Variants in GALNT14 observed in about 807,000 individuals in gnomAD.
The protein encoded by GALNT14 is UDP-GalNAc:polypeptide N-acetylgalactosaminyltransferase 14.
Under a neutral mutation model 77.5 loss-of-function variants are expected in GALNT14, and 60 were observed. That is an observed-to-expected ratio of 0.77 (90% CI 0.63 to 0.96). The LOEUF (loss-of-function observed/expected upper bound fraction) is 0.96. Ranked by LOEUF, GALNT14 falls within the 40% of genes least tolerant of loss-of-function variation. GALNT14 has a pLI of 0.00. For missense variants in GALNT14, 710 were observed against 731.0 expected (o/e 0.97, Z 0.33); for synonymous variants, 280 against 281.7 (o/e 0.99, Z 0.06).
At chr2:31,082,950 G>A (rs941109315) in intron 1 of GALNT14, among the ~76,000 whole-genome samples, 8 of 152,210 alleles carry the variant, frequency 5.3e-5, no homozygotes, top group East Asian at 1.9e-4. Flanking sequence ...CTTGGGAGGC[G>A]GAGGTTGCAG....
At chr2:31,028,922 C>T (rs1672239323) in intron 1 of GALNT14, among the ~76,000 whole-genome samples, 1 of 152,082 alleles carries the variant, frequency 6.6e-6, no homozygotes, top group South Asian at 2.1e-4. Flanking sequence ...AGGGATTGGC[C>T]ATGTTCAAAA....
intron 2 of GALNT14, among the ~76,000 whole-genome samples, chr2:30,978,848 T>A (rs542015522): frequency 6.6e-6 from 1 of 152,138 alleles, no homozygotes; most frequent in Non-Finnish European, 1.5e-5. Flanking sequence ...TGATAGACAG[T>A]AAGCTGATGT....
In GALNT14 at chr2:31,138,022, A is replaced by G. The variant is rs1679306880; in HGVS notation, c.65T>C (p.Leu22Pro). 2.5e-6 allele frequency: 4 copies of G among 1,613,826 alleles called. No individual in the cohort carries two copies. Among genetic ancestry groups the G allele is most frequent in the Non-Finnish European group, 2.5e-6 (3 of 1,179,794 alleles). The change falls in exon 1 of 15, where the codon CTG becomes CCG. Residue 22 changes from leucine to proline, a missense_variant. Coordinates refer to ENST00000349752, the MANE Select transcript of GALNT14 (RefSeq NM_024572.4). Reference protein sequence around the residue: ...VFGVLWITVLLFFWVTKRKLE... With the variant: ...VFGVLWITVLPFFWVTKRKLE... ...CTTCCTCTTGGTTACCCAGAAGAACAGCAGCACCGTGATCCAGAGCACCCC... is the reference window on the plus strand; with the variant it reads ...CTTCCTCTTGGTTACCCAGAAGAACGGCAGCACCGTGATCCAGAGCACCCC...
In GALNT14 at chr2:31,076,054, G is replaced by C. The variant is rs115959712; in HGVS notation, c.129+61904C>G. Among the ~76,000 whole-genome samples, 590 of 152,250 alleles carry C rather than the reference G, an allele frequency of 3.9e-3. 2 individuals carry two copies. Among genetic ancestry groups the C allele is most frequent in the African/African-American group, 0.013 (559 of 41,534 alleles). On this transcript the variant is annotated intron_variant, in intron 1 of 14. Coordinates refer to ENST00000349752, the MANE Select transcript of GALNT14 (RefSeq NM_024572.4). ...ACCTGGTCAGAAGCTGTCTTAACTC[G>C]AGCAGACACAGATGACCAGCAGTCT...
chr2:30,940,797 T>TA (rs1417650257), intron 9 of GALNT14, among the ~76,000 whole-genome samples: 7 of 152,154 alleles, frequency 4.6e-5, no homozygotes, highest in Non-Finnish European at 1.0e-4. Flanking sequence ...AACAGCCCCC[T>TA]ATCACATTCC....
At position 30,917,076 on chromosome 2, in the gene GALNT14, C is replaced by CAAAAA. The variant is rs529653696; in HGVS notation, c.1381-4739_1381-4735dup. On this transcript the variant is annotated intron_variant, in intron 13 of 14. Transcript: ENST00000349752. The stretch of plus-strand genomic sequence containing the variant: ...TGGGCAAAAGAGTAAGACTCCGTCT[C>CAAAAA]AAAAAAAAAAAAAAAAAAAAAAAAA... Among the ~76,000 whole-genome samples, 52 of 19,906 alleles carry CAAAAA rather than the reference C, an allele frequency of 2.6e-3. 9 individuals are homozygous for CAAAAA. The highest frequency in any genetic ancestry group is 7.4e-3 in the African/African-American group (40 of 5,390). 13.1% of individuals were successfully genotyped at this position (19,906 alleles called of 152,430 possible). A position where few individuals can be genotyped will look rare whatever the true frequency, so the allele number is the denominator to read the frequency against.
chr2:30,932,015 AG>A, intron 10 of GALNT14, 52 bp downstream of exon 10: 3 of 1,445,422 alleles, frequency 2.1e-6, no homozygotes, highest in Non-Finnish European at 1.8e-6. Context: ...GCAGCCGCCC[AG>A]CCTTGGCTGC....
At chr2:31,100,585 A>T (rs1344029664) in intron 1 of GALNT14, among the ~76,000 whole-genome samples, 1 of 151,948 alleles carries the variant, frequency 6.6e-6, no homozygotes, top group Non-Finnish European at 1.5e-5. Context: ...CACCTGTGCA[A>T]TGAGGAGTAA....
intron 1 of GALNT14, among the ~76,000 whole-genome samples, chr2:31,095,458 T>C (rs1676954618): frequency 6.6e-6 from 1 of 152,130 alleles, no homozygotes; most frequent in South Asian, 2.1e-4. Context: ...TCCATCTCCA[T>C]TTAATAAGAG....
chr2:30,925,134 G>A (rs914839904), intron 11 of GALNT14, among the ~76,000 whole-genome samples: 22 of 152,206 alleles, frequency 1.4e-4, no homozygotes, highest in African/African-American at 5.1e-4. Flanking sequence ...AGAACATTCA[G>A]TGTGTTGTTA....
chr2:30,981,657 G>T (rs1009427695), intron 2 of GALNT14, among the ~76,000 whole-genome samples: 1 of 152,126 alleles, frequency 6.6e-6, no homozygotes, highest in Non-Finnish European at 1.5e-5. Context: ...TCCAGGGCAG[G>T]GGGAGGGGCA....
rs941494955 is a variant in GALNT14 at position 30,969,869 on chromosome 2, G to C, written c.300-3567C>G. On this transcript the variant is annotated intron_variant, in intron 2 of 14. Coordinates refer to ENST00000349752, the MANE Select transcript of GALNT14 (RefSeq NM_024572.4). ...GCTCTCACAGCATCAGCTTTCAGAA[G>C]CTCTGACCATAGCTAACATTCAATA... is the stretch of plus-strand genomic sequence containing the variant. Among the ~76,000 whole-genome samples the C allele has an allele frequency of 8.5e-5, 13 of 152,260 alleles. No homozygotes were observed. The East Asian group carries it at 1.9e-3, about 23-fold the overall frequency.
At chr2:31,101,318 G>C (rs1677263386) in intron 1 of GALNT14, among the ~76,000 whole-genome samples, 1 of 151,902 alleles carries the variant, frequency 6.6e-6, no homozygotes, top group Non-Finnish European at 1.5e-5. Flanking sequence ...AATGATCTTT[G>C]AATTGATATT....
chr2:30,897,515 G>A, the GALNT14 span, among the ~76,000 whole-genome samples: 1 of 152,238 alleles, frequency 6.6e-6, no homozygotes, highest in Non-Finnish European at 1.5e-5. Flanking sequence ...CTAAGGGTAA[G>A]AAGCAGAGCT....
intron 2 of GALNT14, among the ~76,000 whole-genome samples, chr2:30,979,761 T>C (rs1356360113): frequency 2.6e-5 from 4 of 152,162 alleles, no homozygotes; most frequent in African/African-American, 9.7e-5. Flanking sequence ...ACTTTGCCAG[T>C]CACCTGGGGC....
chr2:31,065,537 A>T (rs1057145714), intron 1 of GALNT14: 1 of 152,406 alleles, frequency 6.6e-6, no homozygotes. Context: ...AGCAGATGGC[A>T]TCATGCTGGG....
At chr2:30,918,877 A>G (rs955105733) in intron 13 of GALNT14, among the ~76,000 whole-genome samples, 3 of 151,150 alleles carry the variant, frequency 2.0e-5, no homozygotes, top group Non-Finnish European at 3.0e-5. Flanking sequence ...GGCATCAGGC[A>G]GGGAGGGTGG....
chr2:30,923,692 C>T (rs1665178534), intron 13 of GALNT14, among the ~76,000 whole-genome samples: 1 of 152,136 alleles, frequency 6.6e-6, no homozygotes, highest in South Asian at 2.1e-4. Context: ...GGGAGACTCA[C>T]AGAGCAGGCA....
chr2:31,029,123 G>C (rs981625127), intron 1 of GALNT14, among the ~76,000 whole-genome samples: 5 of 152,164 alleles, frequency 3.3e-5, no homozygotes, highest in African/African-American at 9.7e-5. Flanking sequence ...GAAGACAAGA[G>C]GCTTGAGTTT....
Sources: allele counts gnomAD v4.1 joint callset (sites outside exome capture counted in the v4.1 genomes callset), GRCh38; gene constraint gnomAD v4.1.1; transcripts MANE v1.5; gene names NCBI Gene and HGNC (gene_info 2026-07-23, HGNC 2026-07-21).